The following NFKB1 variants were observed in gnomAD, a reference collection of about 807,000 sequenced individuals.
The protein encoded by NFKB1 is nuclear factor kappa B subunit 1.
Under a neutral mutation model 105.1 loss-of-function variants are expected in NFKB1, and 9 were observed. The observed-to-expected ratio is 0.09, with a 90% CI of 0.05 to 0.15. The LOEUF is 0.15. Ranked by LOEUF, NFKB1 falls within the 10% of genes least tolerant of loss-of-function variation. NFKB1 has a pLI of 1.00. For missense variants in NFKB1, 830 were observed against 1,203.7 expected (o/e 0.69, Z 4.59); for synonymous variants, 440 against 442.2 (o/e 1.00, Z 0.06).
chr4:102,587,017 T>G (rs1725764222), intron 11 of NFKB1, among the ~76,000 whole-genome samples: 1 of 152,256 alleles, frequency 6.6e-6, no homozygotes, highest in Admixed American at 6.5e-5. Context: ...TGTAGTGCAC[T>G]CTATATCCTG....
chr4:102,608,003 T>C (rs994155362), intron 19 of NFKB1, among the ~76,000 whole-genome samples: 7 of 152,226 alleles, frequency 4.6e-5, no homozygotes, highest in African/African-American at 1.2e-4. Flanking sequence ...GGTTTGATTG[T>C]TTAGATTGAC....
At chr4:102,573,165 A>C (rs1724525886) in intron 6 of NFKB1, among the ~76,000 whole-genome samples, 1 of 152,064 alleles carries the variant, frequency 6.6e-6, no homozygotes, top group Non-Finnish European at 1.5e-5. Context: ...AAAATTAGCC[A>C]GGCATGGTGG....
Position 102,612,857 on chromosome 4 carries a change from C to T in NFKB1, c.2592+251C>T, listed in dbSNP as rs4648113. The stretch of plus-strand genomic sequence containing the variant: ...CCTGTGAAAATGCTACGTAGAGGGT[C>T]AGGATTTTCACAGAACTTTAACGGC... On this transcript the variant is annotated intron_variant, in intron 22 of 23. Coordinates refer to ENST00000226574, the MANE Select transcript of NFKB1 (RefSeq NM_003998.4). Among the ~76,000 whole-genome samples the T allele has an allele frequency of 7.9e-3, 1,204 of 152,230 alleles. 14 individuals are homozygous for T. The highest frequency in any genetic ancestry group is 0.043 in the South Asian group (207 of 4,818).
intron 5 of NFKB1, among the ~76,000 whole-genome samples, chr4:102,539,190 C>T (rs75744242): frequency 0.027 from 3,740 of 140,560 alleles, 90 homozygotes; most frequent in African/African-American, 0.072. Flanking sequence ...TGAGCCGAGA[C>T]TGTGCCACTG....
At chr4:102,588,970 C>T (rs563568024) in intron 11 of NFKB1, among the ~76,000 whole-genome samples, 40 of 152,124 alleles carry the variant, frequency 2.6e-4, no homozygotes, top group African/African-American at 8.2e-4. Context: ...AAAAGCAGAC[C>T]GCAAGGATAA....
chr4:102,539,169 G>T (rs1412262046), intron 5 of NFKB1, among the ~76,000 whole-genome samples: 1 of 150,888 alleles, frequency 6.6e-6, no homozygotes, highest in Non-Finnish European at 1.5e-5. Context: ...CCTGGGAAGC[G>T]GAGGTTGCAG....
chr4:102,570,025 G>A (rs762355840), intron 6 of NFKB1, among the ~76,000 whole-genome samples: 4 of 151,872 alleles, frequency 2.6e-5, no homozygotes, highest in South Asian at 4.1e-4. Flanking sequence ...ATTTTAGTTC[G>A]TTGACATTTT....
rs557286610 is a variant in NFKB1, at chr4:102,548,986, G to A, written c.258+11030G>A. Among the ~76,000 whole-genome samples, 21 of 152,172 alleles carry A rather than the reference G, an allele frequency of 1.4e-4. No individual in the cohort carries two copies. The South Asian group carries it at 4.4e-3, about 32-fold the overall frequency. The stretch of plus-strand genomic sequence containing the variant: ...GTGAATTCTGGGGGTACACCATTCA[G>A]CCCACTACAAACATATTGTGGCATT... On this transcript the variant is annotated intron_variant, in intron 5 of 23. Transcript: ENST00000226574.
At position 102,578,853 on chromosome 4, in the gene NFKB1, A is replaced by T. The variant is rs1285947797; in HGVS notation, c.572-28A>T. On this transcript the variant is annotated intron_variant, in intron 7 of 23. Coordinates refer to ENST00000226574, the MANE Select transcript of NFKB1 (RefSeq NM_003998.4). ...TTTAAATGTTCACACTTCCCTGGGCATGAATGGACTGTGCTGTATGGCCCT... is the reference window on the plus strand; with the variant it reads ...TTTAAATGTTCACACTTCCCTGGGCTTGAATGGACTGTGCTGTATGGCCCT... The T allele has an allele frequency of 3.1e-6, 5 of 1,599,560 alleles. No individual in the cohort carries two copies. In the Admixed American group the frequency reaches 8.4e-5, roughly 27 times the overall value.
intron 9 of NFKB1, 116 bp downstream of exon 9, chr4:102,580,755 C>T (rs868208517): frequency 1.4e-6 from 1 of 731,912 alleles, no homozygotes. Context: ...TCTGCTGCCA[C>T]AGAAAGTCTT....
At chr4:102,610,123 C>G (rs1728255971) in intron 19 of NFKB1, among the ~76,000 whole-genome samples, 1 of 152,244 alleles carries the variant, frequency 6.6e-6, no homozygotes, top group African/African-American at 2.4e-5. Context: ...TGTCACTAGA[C>G]ATCAAGCATC....
intron 1 of NFKB1, among the ~76,000 whole-genome samples, chr4:102,513,127 T>A (rs1739891415): frequency 6.6e-6 from 1 of 152,190 alleles, no homozygotes; most frequent in Non-Finnish European, 1.5e-5. Flanking sequence ...AACTGTAGCA[T>A]TAGAAATGTA....
intron 1 of NFKB1, among the ~76,000 whole-genome samples, chr4:102,514,947 C>T (rs531411783): frequency 1.3e-4 from 20 of 151,978 alleles, no homozygotes; most frequent in South Asian, 6.2e-4. Flanking sequence ...ATAACTAGCC[C>T]AGTGTACCAT....
intron 1 of NFKB1, among the ~76,000 whole-genome samples, chr4:102,521,771 TG>T (rs1295730518): frequency 6.6e-6 from 1 of 152,170 alleles, no homozygotes; most frequent in Non-Finnish European, 1.5e-5. Context: ...TTGGTGTTAG[TG>T]GGGGCATTGT....
intron 6 of NFKB1, 142 bp from the exon 7 acceptor site, chr4:102,576,734 T>C (rs1295186676): frequency 6.0e-6 from 5 of 831,640 alleles, no homozygotes; most frequent in Non-Finnish European, 9.3e-6. Flanking sequence ...AATTCTGAAA[T>C]GCATGTAGCC....
intron 8 of NFKB1, 63 bp from the exon 9 acceptor site, chr4:102,580,471 TA>T: frequency 7.2e-7 from 1 of 1,388,946 alleles, no homozygotes; most frequent in Non-Finnish European, 1.0e-6. Context: ...GGGTCCTACC[TA>T]AAGGACTGGC....
At chr4:102,607,486 C>T (rs1727885104) in intron 18 of NFKB1, among the ~76,000 whole-genome samples, 163 bp from the exon 19 acceptor site, 1 of 152,176 alleles carries the variant, frequency 6.6e-6, no homozygotes, top group African/African-American at 2.4e-5. Flanking sequence ...CCCCCAACCC[C>T]CTTGCTTGGC....
chr4:102,581,875 A>G (rs1725342708), intron 9 of NFKB1, among the ~76,000 whole-genome samples: 1 of 152,230 alleles, frequency 6.6e-6, no homozygotes, highest in Admixed American at 6.5e-5. Flanking sequence ...CTCAATAACT[A>G]GGTCCAGTGT....
At chr4:102,610,793 C>G in intron 20 of NFKB1, 94 bp downstream of exon 20, 1 of 1,405,626 alleles carries the variant, frequency 7.1e-7, no homozygotes, top group Non-Finnish European at 9.6e-7. Context: ...CTTTATTCCC[C>G]AAAGAACATG....
Sources: allele counts gnomAD v4.1 joint callset (sites outside exome capture counted in the v4.1 genomes callset), GRCh38; gene constraint gnomAD v4.1.1; transcripts MANE v1.5; gene names NCBI Gene and HGNC (gene_info 2026-07-23, HGNC 2026-07-21).